The following GPI variants were observed in gnomAD, a reference collection of about 807,000 sequenced individuals.
GPI encodes D-hexose-6-phosphate anomerase.
In GPI, 56 loss-of-function variants were observed where a neutral mutation model predicts 75.8. That is an observed-to-expected ratio of 0.74 (90% CI 0.60 to 0.92). The LOEUF (loss-of-function observed/expected upper bound fraction) is 0.92. GPI is among the 40% of genes least tolerant of loss of function. GPI has a pLI of 0.00. For missense variants in GPI, 638 were observed against 741.0 expected (o/e 0.86, Z 1.61); for synonymous variants, 288 against 285.4 (o/e 1.01, Z -0.09).
rs2230294 is a variant in GPI, at chr19:34,393,927, G to T, written c.923G>T (p.Arg308Leu). 1 of 1,613,532 alleles carries T rather than the reference G, an allele frequency of 6.2e-7. No individual in the cohort carries two copies. Among genetic ancestry groups the T allele is most frequent in the Non-Finnish European group, 8.5e-7 (1 of 1,179,960 alleles). Residue 308 changes from arginine to leucine, a missense_variant, in exon 12 of 18, where the codon CGC becomes CTC. Transcript: ENST00000356487. This position sits in a 1 kb window ranked among gnomAD's most constrained non-coding sequence, Gnocchi z 4.4. ...SGAHWMDQHF[R>L]TTPLEKNAPV... The stretch of plus-strand genomic sequence containing the variant: ...CTCCTGTTTCAGGACCAGCACTTCC[G>T]CACGACGCCCCTGGAGAAGAACGCC...
At chr19:34,399,469 T>C in intron 15 of GPI, 87 bp from the exon 16 acceptor site, 2 of 1,558,316 alleles carry the variant, frequency 1.3e-6, no homozygotes, top group Non-Finnish European at 1.8e-6. Context: ...GACCTGCACG[T>C]CTCAGCCTCT....
At chr19:34,366,240 C>G (rs771841762) in intron 1 of GPI, 105 bp from the exon 2 acceptor site, 3 of 805,968 alleles carry the variant, frequency 3.7e-6, no homozygotes, top group African/African-American at 1.7e-5. Flanking sequence ...CCTTGTGGGG[C>G]GTGGGTCAGG....
chr19:34,387,873 C>T (rs997440333), intron 9 of GPI, among the ~76,000 whole-genome samples: 1 of 152,042 alleles, frequency 6.6e-6, no homozygotes, highest in Non-Finnish European at 1.5e-5. Context: ...GCTGGCCAGG[C>T]CTGGGGAAGG....
At chr19:34,379,747 G>A in intron 8 of GPI, 185 bp downstream of exon 8, 2 of 700,914 alleles carry the variant, frequency 2.9e-6, no homozygotes, top group Non-Finnish European at 5.2e-6. Flanking sequence ...TTCAACCTCT[G>A]CAGCTTTGAG....
intron 9 of GPI, 70 bp downstream of exon 9, chr19:34,381,589 A>C (rs1011820982): frequency 9.7e-7 from 1 of 1,033,776 alleles, no homozygotes; most frequent in East Asian, 2.4e-5. Flanking sequence ...TGAGAGGCCC[A>C]TGAGGTCAGG....
intron 8 of GPI, among the ~76,000 whole-genome samples, chr19:34,380,246 T>G (rs1036175091): frequency 6.6e-6 from 1 of 151,852 alleles, no homozygotes; most frequent in Non-Finnish European, 1.5e-5. Context: ...TCTGCCCACC[T>G]CAGCCTCCCA....
chr19:34,373,478 A>G (rs1036626019), intron 4 of GPI, among the ~76,000 whole-genome samples: 3 of 149,828 alleles, frequency 2.0e-5, no homozygotes, highest in African/African-American at 7.4e-5. Flanking sequence ...AATCGCTTGA[A>G]CCCGGGAGGT....
At chr19:34,370,039 G>A (rs2074428150) in intron 4 of GPI, among the ~76,000 whole-genome samples, 1 of 152,246 alleles carries the variant, frequency 6.6e-6, no homozygotes, top group East Asian at 1.9e-4. Flanking sequence ...ATGCACACAG[G>A]TTGGTTTTCT....
chr19:34,379,117 C>A, intron 7 of GPI, 112 bp downstream of exon 7: 1 of 914,302 alleles, frequency 1.1e-6, no homozygotes, highest in Non-Finnish European at 1.8e-6. Context: ...GAAGTGAAGG[C>A]GGCCTTGCCG....
intron 12 of GPI, among the ~76,000 whole-genome samples, chr19:34,395,771 G>A (rs1225260460): frequency 6.6e-6 from 1 of 152,162 alleles, no homozygotes; most frequent in African/African-American, 2.4e-5. Context: ...CACGTGTGCA[G>A]GTCCACCTCA....
chr19:34,396,453 G>T, intron 13 of GPI, 23 bp downstream of exon 13: 5 of 1,613,904 alleles, frequency 3.1e-6, no homozygotes, highest in Non-Finnish European at 4.2e-6. Flanking sequence ...GGCCTGGGAA[G>T]GGTGATGTTG....
At chr19:34,362,882 C>T (rs1343334895), upstream of GPI, among the ~76,000 whole-genome samples, 1 of 152,192 alleles carries the variant, frequency 6.6e-6, no homozygotes, top group African/African-American at 2.4e-5. Flanking sequence ...AAGTTATGTG[C>T]TCATCTCTGA....
chr19:34,390,614 T>A (rs2074807936), intron 9 of GPI, among the ~76,000 whole-genome samples: 1 of 150,754 alleles, frequency 6.6e-6, no homozygotes, highest in African/African-American at 2.4e-5. Context: ...GTTACAGGTA[T>A]GAGGCCCTGG....
At chr19:34,377,336 A>AAATATATATATAT (rs2074558981) in intron 4 of GPI, among the ~76,000 whole-genome samples, 167 bp from the exon 5 acceptor site, 1 of 49,326 alleles carries the variant, frequency 2.0e-5, no homozygotes, top group Non-Finnish European at 3.2e-5. Flanking sequence ...AAAAAAAAAA[A>AAATATATATATAT]ATATATATAT....
upstream of GPI, among the ~76,000 whole-genome samples, chr19:34,362,151 G>T (rs1200640532): frequency 6.6e-6 from 1 of 151,104 alleles, no homozygotes; most frequent in Non-Finnish European, 1.5e-5. Context: ...GCCTGGTGAG[G>T]TGGCGGGTGC....
intron 4 of GPI, among the ~76,000 whole-genome samples, chr19:34,376,959 A>G (rs1467407923): frequency 2.0e-5 from 3 of 151,942 alleles, no homozygotes; most frequent in African/African-American, 4.8e-5. Flanking sequence ...AGACTGAGGC[A>G]TGAGAATTGT....
Position 34,399,334 on chromosome 19 carries a change from A to C in GPI, c.1397A>C (p.Lys466Thr), listed in dbSNP as rs146668588. 2.7e-5 allele frequency: 44 copies of C among 1,613,930 alleles called. No homozygotes were observed. Among genetic ancestry groups the C allele is most frequent in the Non-Finnish European group, 3.6e-5 (42 of 1,180,012 alleles). ...GACCTTGAGAGGCTGCTGCCACATAAGGTCAGCACTTCTGCATTTGGCTTT... is the reference window on the plus strand; with the variant it reads ...GACCTTGAGAGGCTGCTGCCACATACGGTCAGCACTTCTGCATTTGGCTTT... ...PEDLERLLPH[K>T]VFEGNRPTNS... Residue 466 changes from lysine (K) to threonine (T), a missense_variant and splice_region_variant, in exon 15 of 18, where the codon AAG becomes ACG. Physicochemically the swap from Lys to Thr is moderately conservative, Grantham distance 78 (BLOSUM62 -1). Transcript: ENST00000356487.
At position 34,384,262 on chromosome 19, in the gene GPI, C is replaced by T. The variant is rs8191404; in HGVS notation, c.804+2743C>T. Among the ~76,000 whole-genome samples, 69 of 152,200 alleles carry T rather than the reference C, an allele frequency of 4.5e-4. 1 individual carries two copies. Among genetic ancestry groups the T allele is most frequent in the East Asian group, 3.5e-3 (18 of 5,170 alleles). On this transcript the variant is annotated intron_variant, in intron 9 of 17. Transcript: ENST00000356487. Reference sequence around the variant, plus strand: ...GGGGTCAGACAAAGGGATGACGAACCGCATCCATCAGAAAGGTGGATGAAG... The same window carrying T: ...GGGGTCAGACAAAGGGATGACGAACTGCATCCATCAGAAAGGTGGATGAAG...
intron 14 of GPI, 181 bp from the exon 15 acceptor site, chr19:34,399,026 A>G: frequency 1.8e-6 from 1 of 547,416 alleles, no homozygotes; most frequent in Non-Finnish European, 3.3e-6. Flanking sequence ...GTTCTTAAAG[A>G]GCAGTTATCA....
Sources: allele counts gnomAD v4.1 joint callset (sites outside exome capture counted in the v4.1 genomes callset), GRCh38; gene constraint gnomAD v4.1.1; non-coding constraint Gnocchi (gnomAD v3.1); transcripts MANE v1.5; gene names NCBI Gene and HGNC (gene_info 2026-07-23, HGNC 2026-07-21).